Variants in PDZD2 observed in about 807,000 individuals in gnomAD.
PDZD2 encodes PDZ domain containing 2, also known as PDZ domain-containing protein 2.
In PDZD2, 90 loss-of-function variants were observed where a neutral mutation model predicts 220.7. The ratio of observed to expected loss-of-function variants is 0.41; its 90% CI spans 0.34 to 0.49. The LOEUF (loss-of-function observed/expected upper bound fraction) is 0.49, where lower values mean the gene tolerates loss of function less well. Among genes scored for constraint, PDZD2 ranks in the 20% least tolerant of loss-of-function variants. The pLI, the probability that PDZD2 is intolerant of heterozygous loss-of-function variation, is 0.28. For synonymous variants in PDZD2, 1,375 were observed against 1,450.5 expected (o/e 0.95, Z 1.18); for missense variants, 3,174 against 3,608.5 (o/e 0.88, Z 3.08).
intron 1 of PDZD2, among the ~76,000 whole-genome samples, chr5:31,784,600 T>C (rs926412276): frequency 2.0e-5 from 3 of 152,116 alleles, no homozygotes; most frequent in Non-Finnish European, 4.4e-5. Flanking sequence ...ACAAAAACTC[T>C]AAGAGTAAGA....
chr5:31,747,815 C>A (rs769524704), intron 1 of PDZD2: 2 of 152,926 alleles, frequency 1.3e-5, no homozygotes, highest in African/African-American at 2.4e-5. Flanking sequence ...CCCCAATACT[C>A]CAGCCCCATA....
At chr5:31,792,932 C>T (rs867453480) in intron 1 of PDZD2, among the ~76,000 whole-genome samples, 4 of 151,662 alleles carry the variant, frequency 2.6e-5, no homozygotes, top group East Asian at 3.9e-4. Flanking sequence ...TCCACCTCCC[C>T]GGTTCAAGCA....
intron 16 of PDZD2, 126 bp downstream of exon 16, chr5:32,071,544 C>A: frequency 1.4e-6 from 1 of 736,062 alleles, no homozygotes; most frequent in Non-Finnish European, 2.5e-6. Context: ...CCACTTTATA[C>A]AGGAAATCGC....
At chr5:31,930,478 C>T (rs910309483) in intron 2 of PDZD2, among the ~76,000 whole-genome samples, 50 of 152,022 alleles carry the variant, frequency 3.3e-4, no homozygotes, top group Admixed American at 1.1e-3. Flanking sequence ...GGATTACAGG[C>T]GTGAGCCACC....
At chr5:32,029,090 A>G (rs934872573) in intron 6 of PDZD2, among the ~76,000 whole-genome samples, 2 of 152,114 alleles carry the variant, frequency 1.3e-5, no homozygotes, top group African/African-American at 2.4e-5. Context: ...GAATAAATAC[A>G]GTTTTTTCCA....
intron 6 of PDZD2, among the ~76,000 whole-genome samples, chr5:32,011,429 G>T (rs545246120): frequency 3.9e-5 from 6 of 152,092 alleles, no homozygotes; most frequent in Non-Finnish European, 7.4e-5. Flanking sequence ...AGCCTGAGAG[G>T]TCAAGCCTTC....
chr5:32,045,815 TA>T (rs79042260), intron 7 of PDZD2, among the ~76,000 whole-genome samples: 8 of 147,898 alleles, frequency 5.4e-5, no homozygotes, highest in East Asian at 2.0e-4. Context: ...TATTTAACTT[TA>T]AAAAAAAAAC....
intron 2 of PDZD2, among the ~76,000 whole-genome samples, chr5:31,808,180 G>T (rs1165510521): frequency 6.6e-6 from 1 of 152,152 alleles, no homozygotes; most frequent in African/African-American, 2.4e-5. Context: ...ATGCTCAAAG[G>T]TGCCTGACGC....
At chr5:31,952,606 A>G (rs1747280861) in intron 2 of PDZD2, among the ~76,000 whole-genome samples, 1 of 152,222 alleles carries the variant, frequency 6.6e-6, no homozygotes, top group African/African-American at 2.4e-5. Context: ...GACCCTGCAG[A>G]CATTCTTTTA....
At chr5:31,951,550 A>C (rs1346874311) in intron 2 of PDZD2, among the ~76,000 whole-genome samples, 1 of 152,222 alleles carries the variant, frequency 6.6e-6, no homozygotes, top group Non-Finnish European at 1.5e-5. Context: ...TAGCTATTTG[A>C]ATCTTCTTTC....
chr5:31,868,161 G>A (rs1390103968), intron 2 of PDZD2, among the ~76,000 whole-genome samples: 1 of 152,038 alleles, frequency 6.6e-6, no homozygotes, highest in Non-Finnish European at 1.5e-5. Flanking sequence ...AAAAGCAGCT[G>A]TTGGCCGGGC....
intron 1 of PDZD2, among the ~76,000 whole-genome samples, chr5:31,783,211 T>C (rs1406155560): frequency 6.6e-6 from 1 of 152,162 alleles, no homozygotes; most frequent in Middle Eastern, 3.2e-3. Flanking sequence ...TAACCAGTGT[T>C]TATCTTGTGG....
intron 1 of PDZD2, among the ~76,000 whole-genome samples, chr5:31,733,018 C>T (rs369446056): frequency 6.6e-6 from 1 of 152,174 alleles, no homozygotes; most frequent in Non-Finnish European, 1.5e-5. Flanking sequence ...CGTGAGCCAC[C>T]GCGCCCGGCC....
At position 32,088,230 on chromosome 5, in the gene PDZD2, A is replaced by G. The variant is rs61740859; in HGVS notation, c.4782A>G (p.Ser1594=). 5.2e-4 allele frequency: 834 copies of G among 1,614,192 alleles called. 5 individuals carry two copies. The African/African-American group carries it at 0.01, about 19-fold the overall frequency. The change falls in exon 20 of 25, where the codon TCA becomes TCG. Residue 1594 remains serine (S), a synonymous_variant. Transcript: ENST00000438447. The surrounding 1 kb of genome is among the most constrained non-coding windows in gnomAD (Gnocchi z 4.6). The part of the protein sequence containing the change: ...VSLHKEDPSE[S]EEEQIEICST... Reference sequence around the variant, plus strand: ...TGCACAAGGAAGATCCTTCGGAGTCAGAAGAGGAACAGATTGAGATTTGTT... The same window carrying G: ...TGCACAAGGAAGATCCTTCGGAGTCGGAAGAGGAACAGATTGAGATTTGTT...
At chr5:31,892,842 A>C (rs908853686) in intron 2 of PDZD2, among the ~76,000 whole-genome samples, 3 of 151,978 alleles carry the variant, frequency 2.0e-5, no homozygotes, top group Non-Finnish European at 4.4e-5. Context: ...AAGTGCTGGG[A>C]TTACAGGTGT....
intron 2 of PDZD2, among the ~76,000 whole-genome samples, chr5:31,931,356 C>T (rs1745280332): frequency 6.6e-6 from 1 of 152,114 alleles, no homozygotes; most frequent in Non-Finnish European, 1.5e-5. Context: ...CGGGGTTTCA[C>T]CATGTTGGCC....
intron 10 of PDZD2, among the ~76,000 whole-genome samples, chr5:32,054,611 C>T (rs973843079): frequency 6.6e-6 from 1 of 151,954 alleles, no homozygotes; most frequent in Non-Finnish European, 1.5e-5. Context: ...AGGCATGAGC[C>T]ACTGTGTCTG....
At chr5:32,039,190 C>T (rs1755816044) in intron 7 of PDZD2, among the ~76,000 whole-genome samples, 1 of 152,076 alleles carries the variant, frequency 6.6e-6, no homozygotes, top group Non-Finnish European at 1.5e-5. Flanking sequence ...GCTGCAACCT[C>T]CCTGCCTCAG....
At chr5:31,799,832 G>A in intron 2 of PDZD2, 108 bp downstream of exon 2, 1 of 732,194 alleles carries the variant, frequency 1.4e-6, no homozygotes, top group Non-Finnish European at 2.4e-6. Flanking sequence ...GAAGCTGATG[G>A]CATAAGAAAT....
Sources: gnomAD v4.1 joint callset for allele counts (sites outside exome capture counted in the v4.1 genomes callset) on GRCh38, gnomAD v4.1.1 for gene constraint, Gnocchi (gnomAD v3.1) non-coding constraint, MANE v1.5 for transcripts, NCBI Gene and HGNC (gene_info 2026-07-23, HGNC 2026-07-21) for gene names.